TSHZ3: variants seen among roughly 807,000 people sequenced by gnomAD.
TSHZ3 encodes the protein teashirt homolog 3.
TSHZ3 carries 10 observed loss-of-function variants against 64.5 expected under a neutral mutation model. The ratio of observed to expected loss-of-function variants is 0.16; its 90% CI spans 0.10 to 0.26. TSHZ3 has a LOEUF of 0.26. TSHZ3 is among the 10% of genes least tolerant of loss of function. The probability of loss-of-function intolerance (pLI) is 1.00; values close to 1 mark genes in which losing one functional copy is unlikely to be tolerated. For missense variants in TSHZ3, 1,242 were observed against 1,421.7 expected (o/e 0.87, Z 2.03); for synonymous variants, 608 against 593.1 (o/e 1.03, Z -0.36).
chr19:31,201,314 C>T (rs1334025356), intron 5 of TSHZ3, among the ~76,000 whole-genome samples: 1 of 152,152 alleles, frequency 6.6e-6, no homozygotes. Context: ...AAATATCAAT[C>T]TCTTCGTGTT....
intron 3 of TSHZ3, among the ~76,000 whole-genome samples, chr19:31,238,255 A>ATTTTTT (rs372232422): frequency 6.7e-5 from 9 of 134,568 alleles, no homozygotes; most frequent in African/African-American, 2.5e-4. Context: ...TCCTTCGTGA[A>ATTTTTT]TTTTTTTTTT....
chr19:31,318,285 T>C (rs1279132688), intron 1 of TSHZ3, among the ~76,000 whole-genome samples: 1 of 152,232 alleles, frequency 6.6e-6, no homozygotes, highest in Non-Finnish European at 1.5e-5. Context: ...TAAACTGATA[T>C]AACAGATAAT....
intron 1 of TSHZ3, among the ~76,000 whole-genome samples, chr19:31,300,536 G>C (rs1404872547): frequency 6.6e-6 from 1 of 152,118 alleles, no homozygotes; most frequent in East Asian, 1.9e-4. Flanking sequence ...TAACCAAAGG[G>C]TGAATTCCTA....
downstream of TSHZ3, among the ~76,000 whole-genome samples, chr19:31,273,466 C>T (rs753040494): frequency 1.2e-4 from 19 of 152,158 alleles, no homozygotes; most frequent in Non-Finnish European, 2.4e-4. Context: ...GTCGAGTCCT[C>T]CCAAACTGTC....
At chr19:31,153,204 T>C (rs1483990838) in intron 6 of TSHZ3, among the ~76,000 whole-genome samples, 1 of 152,216 alleles carries the variant, frequency 6.6e-6, no homozygotes, top group African/African-American at 2.4e-5. Flanking sequence ...TACTGATGTA[T>C]AAAGGCCAGT....
At chr19:31,348,910 C>G in intron 1 of TSHZ3, 1 of 423,286 alleles carries the variant, frequency 2.4e-6, no homozygotes, top group Non-Finnish European at 4.2e-6. Context: ...AGCCGGAGAG[C>G]TGAGGAGGTA....
chr19:31,219,646 AG>A (rs1164682641), intron 4 of TSHZ3, among the ~76,000 whole-genome samples: 2 of 151,954 alleles, frequency 1.3e-5, no homozygotes, highest in African/African-American at 4.8e-5. Context: ...AATTTTTTAA[AG>A]AAGAAAAACA....
chr19:31,277,946 T>A lies in TSHZ3; in HGVS notation c.1847A>T (p.Lys616Met). 6.2e-7 allele frequency: 1 copy of A among 1,613,960 alleles called. No homozygotes were observed. The highest frequency in any genetic ancestry group is 1.1e-5 in the South Asian group (1 of 91,046). Residue 616 changes from lysine (K) to methionine (M), a missense_variant, in exon 2 of 2, where the codon AAG becomes ATG. Lys to Met is a moderately conservative substitution (Grantham distance 95). Coordinates refer to ENST00000240587, the MANE Select transcript of TSHZ3 (RefSeq NM_020856.4). This position sits in a 1 kb window ranked among gnomAD's most constrained non-coding sequence, Gnocchi z 4.5. ...NFHAMEELVK[K>M]VTEKVAKVEE... ...CACTTTGGCAACTTTCTCAGTGACC[T>A]TTTTCACCAGCTCCTCCATGGCATG... is the stretch of plus-strand genomic sequence containing the variant.
At chr19:31,305,964 AAAAAAATTTC>A (rs1465089886) in intron 1 of TSHZ3, among the ~76,000 whole-genome samples, 1 of 152,256 alleles carries the variant, frequency 6.6e-6, no homozygotes, top group African/African-American at 2.4e-5. Context: ...GAGAAATTAA[AAAAAAATTTC>A]ACTTGAAAGC....
chr19:31,198,215 A>G (rs2145146711), intron 5 of TSHZ3, among the ~76,000 whole-genome samples: 1 of 152,274 alleles, frequency 6.6e-6, no homozygotes, highest in Non-Finnish European at 1.5e-5. Context: ...CCATATCAAT[A>G]GATGCATACA....
At chr19:31,160,425 C>A (rs1196177147) in intron 5 of TSHZ3, among the ~76,000 whole-genome samples, 1 of 152,192 alleles carries the variant, frequency 6.6e-6, no homozygotes, top group African/African-American at 2.4e-5. Flanking sequence ...AGAGTGACAA[C>A]CCTGGTATCT....
At chr19:31,195,143 G>C (rs1228883767) in intron 5 of TSHZ3, among the ~76,000 whole-genome samples, 1 of 152,076 alleles carries the variant, frequency 6.6e-6, no homozygotes, top group Non-Finnish European at 1.5e-5. Context: ...ATACCAGACA[G>C]AGAAAAGAGG....
Position 31,265,397 on chromosome 19 carries a change from CAAAAAA to C in TSHZ3, n.64-22528_64-22523del, listed in dbSNP as rs11432951. ...GGGCAATAAGAACAAAACTCTGTCTCAAAAAAAAAAAAAAAAAAAAAAAGAAAGAAA... is the reference window on the plus strand; with the variant it reads ...GGGCAATAAGAACAAAACTCTGTCTCAAAAAAAAAAAAAAAAAGAAAGAAA... On this transcript the variant is annotated intron_variant and non_coding_transcript_variant, in intron 1 of 6. Coordinates refer to the TSHZ3 transcript ENST00000651361. Among the ~76,000 whole-genome samples the C allele has an allele frequency of 8.1e-3, 277 of 34,272 alleles. 1 individual carries two copies. The highest frequency in any genetic ancestry group is 0.018 in the Admixed American group (48 of 2,618). The allele number at this position is 34,272 out of a possible 152,430, so 22.5% of individuals were successfully genotyped here. A position where few individuals can be genotyped will look rare whatever the true frequency, so the allele number is the denominator to read the frequency against.
chr19:31,338,792 A>C (rs995294069), intron 1 of TSHZ3, among the ~76,000 whole-genome samples: 5 of 151,982 alleles, frequency 3.3e-5, no homozygotes, highest in African/African-American at 1.2e-4. Flanking sequence ...ATTATTCAAA[A>C]TTAAAGCCTT....
At chr19:31,163,264 A>C (rs2145105524) in intron 5 of TSHZ3, among the ~76,000 whole-genome samples, 1 of 152,332 alleles carries the variant, frequency 6.6e-6, no homozygotes, top group South Asian at 2.1e-4. Flanking sequence ...GGGCCAGATA[A>C]GCTAAAGCAT....
At chr19:31,165,014 C>A (rs984234058) in intron 5 of TSHZ3, among the ~76,000 whole-genome samples, 1 of 152,208 alleles carries the variant, frequency 6.6e-6, no homozygotes, top group Non-Finnish European at 1.5e-5. Context: ...GAGCCCGTCC[C>A]GGGGATGATG....
chr19:31,199,221 T>G (rs1473924718), intron 5 of TSHZ3, among the ~76,000 whole-genome samples: 2 of 151,736 alleles, frequency 1.3e-5, no homozygotes, highest in Admixed American at 6.6e-5. Flanking sequence ...CTGGCCAACA[T>G]GCTGAAACCT....
chr19:31,326,625 T>C (rs1488445546), intron 1 of TSHZ3, among the ~76,000 whole-genome samples: 5 of 152,250 alleles, frequency 3.3e-5, no homozygotes, highest in Admixed American at 6.5e-5. Flanking sequence ...CACTTTCTCA[T>C]GGGGCTGAAA....
chr19:31,298,032 C>G (rs548579873), intron 1 of TSHZ3, among the ~76,000 whole-genome samples: 1 of 152,288 alleles, frequency 6.6e-6, no homozygotes, highest in Non-Finnish European at 1.5e-5. Context: ...AGGGATAGAG[C>G]TGTATGGAGC....
Sources: allele counts gnomAD v4.1 joint callset (sites outside exome capture counted in the v4.1 genomes callset), GRCh38; gene constraint gnomAD v4.1.1; non-coding constraint Gnocchi (gnomAD v3.1); transcripts MANE v1.5; gene names NCBI Gene and HGNC (gene_info 2026-07-23, HGNC 2026-07-21).